HSPB7: variants seen among roughly 807,000 people sequenced by gnomAD.
The protein encoded by HSPB7 is heat shock protein family B (small) member 7, also known as heat shock protein beta-7.
Under a neutral mutation model 11.0 loss-of-function variants are expected in HSPB7, and 9 were observed. The observed-to-expected ratio is 0.82, with a 90% CI of 0.49 to 1.43. The LOEUF (loss-of-function observed/expected upper bound fraction) is 1.43. Ranked by LOEUF, HSPB7 falls within the 40% of genes most tolerant of loss-of-function variation. HSPB7 has a pLI of 0.00. For missense variants in HSPB7, 246 were observed against 243.9 expected (o/e 1.01, Z -0.06); for synonymous variants, 102 against 101.6 (o/e 1.00, Z -0.02).
chr1:16,018,145 G>A, upstream of HSPB7: 3 of 1,542,738 alleles, frequency 1.9e-6, no homozygotes, highest in African/African-American at 1.4e-5. Flanking sequence ...TGGCCCAGAG[G>A]GGGCTGGAAA....
rs767416122 is a variant in HSPB7 at position 16,015,718 on chromosome 1, C to T, written c.375G>A (p.Lys125=). Residue 125 remains lysine, a synonymous_variant, in exon 3 of 3, where the codon AAG becomes AAA. Transcript: ENST00000311890. This position sits in a 1 kb window ranked among gnomAD's most constrained non-coding sequence, Gnocchi z 4.9. The stretch of plus-strand genomic sequence containing the variant: ...GGTCCACGTCCTCCGGCAGCTGGCA[C>T]TTGTGAGCGAAGGTGTTCATGACAG... ...DGTVMNTFAH[K]CQLPEDVDPT... is the part of the protein sequence containing the mutation. 6.2e-7 allele frequency: 1 copy of T among 1,610,212 alleles called. No homozygotes were observed. Among genetic ancestry groups the T allele is most frequent in the East Asian group, 2.2e-5 (1 of 44,824 alleles).
chr1:16,018,444 T>G, upstream of HSPB7: 1 of 1,155,552 alleles, frequency 8.7e-7, no homozygotes, highest in Non-Finnish European at 1.1e-6. Context: ...TCCATCAGTG[T>G]GCAGGCTCCT....
At chr1:16,016,971 A>C in intron 2 of HSPB7, 103 bp downstream of exon 2, 3 of 1,217,434 alleles carry the variant, frequency 2.5e-6, no homozygotes, top group Admixed American at 2.1e-5. Flanking sequence ...TGGGGAAGGG[A>C]CACTGGCCAG....
chr1:16,017,794 C>A lies in HSPB7; in HGVS notation c.170G>T (p.Arg57Leu). ...MFSDDFGSFM[R>L]PHSEPLAFPA... The stretch of plus-strand genomic sequence containing the variant: ...GAAGGCCAGGGGCTCCGAGTGGGGC[C>A]GCATGAAGCTGCCAAAGTCATCGGA... Residue 57 changes from arginine to leucine, a missense_variant, in exon 1 of 3, where the codon CGG (arginine) becomes CTG (leucine). Transcript: ENST00000311890. 6.2e-7 allele frequency: 1 copy of A among 1,610,854 alleles called. No homozygotes were observed.
In HSPB7 at chr1:16,015,386, G is replaced by A. The variant is rs2021626793; in HGVS notation, c.*194C>T. The stretch of plus-strand genomic sequence containing the variant: ...CAAATCTGAAATCTGGGCATCATGT[G>A]TCAGGCCAGGGAGTCCCTGGCCTGC... On this transcript the variant is annotated 3_prime_UTR_variant, in exon 3 of 3. Coordinates refer to ENST00000311890, the MANE Select transcript of HSPB7 (RefSeq NM_014424.5). The surrounding 1 kb of genome is among the most constrained non-coding windows in gnomAD (Gnocchi z 4.9). 3 of 575,354 alleles carry A rather than the reference G, an allele frequency of 5.2e-6. No individual in the cohort carries two copies. The highest frequency in any genetic ancestry group is 9.3e-6 in the Non-Finnish European group (3 of 324,202). The allele number at this position is 575,354 out of a possible 1,614,324, so 35.6% of individuals were successfully genotyped here. A position where few individuals can be genotyped will look rare whatever the true frequency, so the allele number is the denominator to read the frequency against.
chr1:16,015,335 T>C lies in HSPB7; in HGVS notation c.*245A>G. The C allele has an allele frequency of 1.9e-6, 1 of 518,236 alleles. No homozygotes were observed. Among genetic ancestry groups the C allele is most frequent in the Non-Finnish European group, 3.5e-6 (1 of 288,628 alleles). The allele number at this position is 518,236 out of a possible 1,614,324, so 32.1% of individuals were successfully genotyped here. A position where few individuals can be genotyped will look rare whatever the true frequency, so the allele number is the denominator to read the frequency against. On this transcript the variant is annotated 3_prime_UTR_variant, in exon 3 of 3. Transcript: ENST00000311890. The surrounding 1 kb of genome is among the most constrained non-coding windows in gnomAD (Gnocchi z 4.9). ...ATCTTCCTTCCCTGACCCCAGCCCC[T>C]GTACTCTGGATTAAGTGACGGAGGC...
Position 16,017,852 on chromosome 1 carries a change from C to A in HSPB7, c.112G>T (p.Asp38Tyr), listed in dbSNP as rs887656677. ...SSASRALPAQ[D>Y]PPMEKALSMF... The stretch of plus-strand genomic sequence containing the variant: ...CTCAGGGCCTTCTCCATGGGCGGGT[C>A]CTGGGCCGGGAGAGCACGGGAGGCC... Residue 38 changes from aspartate to tyrosine, a missense_variant, in exon 1 of 3, where the codon GAC becomes TAC. Physicochemically the swap from Asp to Tyr is radical, Grantham distance 160 (BLOSUM62 -3). Coordinates refer to ENST00000311890, the MANE Select transcript of HSPB7 (RefSeq NM_014424.5). The A allele has an allele frequency of 6.2e-7, 1 of 1,613,932 alleles. No homozygotes were observed. Among genetic ancestry groups the A allele is most frequent in the Non-Finnish European group, 8.5e-7 (1 of 1,179,912 alleles).
At chr1:16,018,778 T>A (rs2148846598), upstream of HSPB7, 2 of 1,100,610 alleles carry the variant, frequency 1.8e-6, no homozygotes, top group South Asian at 3.3e-5. Context: ...GGGATTTCAG[T>A]CAGAGGTAAA....
rs771587197 is a variant in HSPB7 at position 16,015,741 on chromosome 1, C to T, written c.352G>A (p.Val118Ile). 20 of 1,593,416 alleles carry T rather than the reference C, an allele frequency of 1.3e-5. No homozygotes were observed. The highest frequency in any genetic ancestry group is 6.7e-5 in the East Asian group (3 of 44,546). Reference sequence around the variant, plus strand: ...CACTTGTGAGCGAAGGTGTTCATGACAGTGCCGTCAGCCGCCAGCTGGGGA... The same window carrying T: ...CACTTGTGAGCGAAGGTGTTCATGATAGTGCCGTCAGCCGCCAGCTGGGGA... ...RAEKLAADGT[V>I]MNTFAHKCQL... The change falls in exon 3 of 3, where the codon GTC becomes ATC. Residue 118 changes from valine (V) to isoleucine (I), a missense_variant. By Grantham distance (29) the Val-to-Ile change is conservative. Coordinates refer to ENST00000311890, the MANE Select transcript of HSPB7 (RefSeq NM_014424.5). This position sits in a 1 kb window ranked among gnomAD's most constrained non-coding sequence, Gnocchi z 4.9.
At chr1:16,018,297 A>G (rs1382197610), upstream of HSPB7, 5 of 1,316,336 alleles carry the variant, frequency 3.8e-6, no homozygotes, top group Admixed American at 9.2e-5. Context: ...TCTCCTTGCC[A>G]CTCGGACCTC....
chr1:16,016,012 T>G (rs1025410047), intron 2 of HSPB7, among the ~76,000 whole-genome samples: 13 of 152,152 alleles, frequency 8.5e-5, no homozygotes, highest in South Asian at 2.1e-4. Context: ...GAGGTGGGGC[T>G]TGGAGAGAGA....
Position 16,015,191 on chromosome 1 carries a change from T to C in HSPB7, c.*389A>G. 1 of 176,006 alleles carries C rather than the reference T, an allele frequency of 5.7e-6. No homozygotes were observed. Among genetic ancestry groups the C allele is most frequent in the South Asian group, 1.3e-4 (1 of 7,712 alleles). 10.9% of individuals were successfully genotyped at this position (176,006 alleles called of 1,614,324 possible). A position where few individuals can be genotyped will look rare whatever the true frequency, so the allele number is the denominator to read the frequency against. ...CTTGGCCAAGAGGGTTCCAGGTCCC[T>C]GGTCCCCTTGCCCTGCAGAGACTTC... On this transcript the variant is annotated 3_prime_UTR_variant, in exon 3 of 3. Transcript: ENST00000311890. The surrounding 1 kb of genome is among the most constrained non-coding windows in gnomAD (Gnocchi z 4.9).
At chr1:16,017,454 T>G in intron 1 of HSPB7, 1 of 591,488 alleles carries the variant, frequency 1.7e-6, no homozygotes, top group Non-Finnish European at 2.9e-6. Context: ...GCCTGGAGCC[T>G]GGGGGCTGCC....
In HSPB7 at chr1:16,017,796, C is replaced by A. The variant is rs1281650211; in HGVS notation, c.168G>T (p.Met56Ile). 8.1e-6 allele frequency: 13 copies of A among 1,611,490 alleles called. No homozygotes were observed. Among genetic ancestry groups the A allele is most frequent in the Non-Finnish European group, 1.1e-5 (13 of 1,178,968 alleles). ...SMFSDDFGSF[M>I]RPHSEPLAFP... ...AGGCCAGGGGCTCCGAGTGGGGCCG[C>A]ATGAAGCTGCCAAAGTCATCGGAAA... Residue 56 changes from methionine (M) to isoleucine (I), a missense_variant, in exon 1 of 3, where the codon ATG becomes ATT. Coordinates refer to ENST00000311890, the MANE Select transcript of HSPB7 (RefSeq NM_014424.5).
At position 16,017,773 on chromosome 1, in the gene HSPB7, G is replaced by T. The variant is rs774230192; in HGVS notation, c.191C>A (p.Ala64Asp). ...SFMRPHSEPL[A>D]FPARPGGAGN... ...GGGCCCGGATCACTTGCCTGGGAAGGCCAGGGGCTCCGAGTGGGGCCGCAT... is the reference window on the plus strand; with the variant it reads ...GGGCCCGGATCACTTGCCTGGGAAGTCCAGGGGCTCCGAGTGGGGCCGCAT... Residue 64 changes from alanine (A) to aspartate (D), a missense_variant, in exon 1 of 3, where the codon GCC (alanine) becomes GAC (aspartate). Transcript: ENST00000311890. The T allele has an allele frequency of 6.2e-7, 1 of 1,601,348 alleles. No homozygotes were observed. The highest frequency in any genetic ancestry group is 1.1e-5 in the South Asian group (1 of 88,918).
Position 16,015,463 on chromosome 1 carries a change from G to A in HSPB7, c.*117C>T. On this transcript the variant is annotated 3_prime_UTR_variant, in exon 3 of 3. Transcript: ENST00000311890. This position sits in a 1 kb window ranked among gnomAD's most constrained non-coding sequence, Gnocchi z 4.9. The stretch of plus-strand genomic sequence containing the variant: ...TGGGAGGATGGTCCACCTGGGGTCT[G>A]GGGTGCGTGGGGGCTAGAACCTGGG... 1 of 956,584 alleles carries A rather than the reference G, an allele frequency of 1.0e-6. No individual in the cohort carries two copies. Among genetic ancestry groups the A allele is most frequent in the South Asian group, 1.6e-5 (1 of 63,448 alleles). 59.3% of individuals were successfully genotyped at this position (956,584 alleles called of 1,614,324 possible). A position where few individuals can be genotyped will look rare whatever the true frequency, so the allele number is the denominator to read the frequency against.
intron 2 of HSPB7, among the ~76,000 whole-genome samples, 189 bp downstream of exon 2, chr1:16,016,885 A>G (rs1264179935): frequency 2.6e-5 from 4 of 152,086 alleles, no homozygotes; most frequent in Non-Finnish European, 5.9e-5. Context: ...CCTCGGTGCA[A>G]AGAGAGGCAG....
At chr1:16,019,105 C>T (rs574649485), upstream of HSPB7, 320 of 1,519,788 alleles carry the variant, frequency 2.1e-4, no homozygotes, top group South Asian at 1.1e-3. Context: ...TCCCTACCCA[C>T]CTGCTTGCTC....
rs2148840000 is a variant in HSPB7, at chr1:16,015,024, G to A, written c.*556C>T. The A allele has an allele frequency of 1.3e-5, 2 of 153,936 alleles. No homozygotes were observed. The highest frequency in any genetic ancestry group is 1.9e-4 in the East Asian group (1 of 5,182). The allele number at this position is 153,936 out of a possible 1,614,324, so 9.5% of individuals were successfully genotyped here. On this transcript the variant is annotated 3_prime_UTR_variant, in exon 3 of 3. Coordinates refer to ENST00000311890, the MANE Select transcript of HSPB7 (RefSeq NM_014424.5). The surrounding 1 kb of genome is among the most constrained non-coding windows in gnomAD (Gnocchi z 4.9). ...CACGGGGTGGGCAGGCAGCCTGCTCGCTGGCGTGGGGCTTGGAGGCTGGTA... is the reference window on the plus strand; with the variant it reads ...CACGGGGTGGGCAGGCAGCCTGCTCACTGGCGTGGGGCTTGGAGGCTGGTA...
Sources: gnomAD v4.1 joint callset for allele counts (sites outside exome capture counted in the v4.1 genomes callset) on GRCh38, gnomAD v4.1.1 for gene constraint, Gnocchi (gnomAD v3.1) non-coding constraint, MANE v1.5 for transcripts, NCBI Gene and HGNC (gene_info 2026-07-23, HGNC 2026-07-21) for gene names.